The following TMEM167A variants were observed in gnomAD, a reference collection of about 807,000 sequenced individuals.
TMEM167A encodes protein kish-A.
A neutral mutation model predicts 11.6 loss-of-function variants in TMEM167A; 8 were observed. That is an observed-to-expected ratio of 0.69 (90% confidence interval 0.40 to 1.24). The LOEUF (loss-of-function observed/expected upper bound fraction) is 1.24, where lower values mean the gene tolerates loss of function less well. Among genes scored for constraint, TMEM167A ranks in the 50% most tolerant of loss-of-function variants. The pLI is 0.01. For missense variants in TMEM167A, 62 were observed against 87.0 expected (o/e 0.71, Z 1.14); for synonymous variants, 22 against 28.0 (o/e 0.79, Z 0.67).
At chr5:83,074,235 T>G (rs1032214142) in intron 1 of TMEM167A, among the ~76,000 whole-genome samples, 1 of 152,234 alleles carries the variant, frequency 6.6e-6, no homozygotes. Context: ...TTGAACTTCA[T>G]GCCTTTTGTT....
chr5:83,071,471 C>T (rs1212646927), intron 1 of TMEM167A: 2 of 152,100 alleles, frequency 1.3e-5, no homozygotes, highest in Non-Finnish European at 2.9e-5. Flanking sequence ...AAAAGTGGGT[C>T]AGCATTTATC....
chr5:83,056,875 T>C lies in TMEM167A; in HGVS notation c.*209A>G. ...TAATATTGTAGTGACAGTACTGAGG[T>C]TGATTGTTACAGACTATTAAATGGT... On this transcript the variant is annotated 3_prime_UTR_variant, in exon 4 of 4. Transcript: ENST00000502346. The C allele has an allele frequency of 1.7e-6, 1 of 595,494 alleles. No individual in the cohort carries two copies. Among genetic ancestry groups the C allele is most frequent in the East Asian group, 2.9e-5 (1 of 34,800 alleles). 36.9% of individuals were successfully genotyped at this position (595,494 alleles called of 1,614,324 possible).
chr5:83,068,259 A>C lies in TMEM167A; in HGVS notation c.4-3142T>G, dbSNP rs559264486. 5.3e-5 allele frequency among the ~76,000 whole-genome samples: 8 copies of C among 152,302 alleles called. No individual in the cohort carries two copies. The South Asian group carries it at 1.7e-3, about 32-fold the overall frequency. ...AAATGAGGCAGTGGGGATTAAAAAA[A>C]AGGCACATGGTATGATTCCTTCCCT... On this transcript the variant is annotated intron_variant, in intron 1 of 3. Transcript: ENST00000502346.
rs1164485634 is a variant in TMEM167A at position 83,055,355 on chromosome 5, C to G, written c.*1729G>C. 3 of 151,916 alleles carry G rather than the reference C, an allele frequency of 2.0e-5. No individual in the cohort carries two copies. The highest frequency in any genetic ancestry group is 4.4e-5 in the Non-Finnish European group (3 of 67,938). 9.4% of individuals were successfully genotyped at this position (151,916 alleles called of 1,614,324 possible). On this transcript the variant is annotated 3_prime_UTR_variant, in exon 4 of 4. Coordinates refer to ENST00000502346, the MANE Select transcript of TMEM167A (RefSeq NM_174909.5). ...TCCAGTTGGCAGCAGAGCTGGACAA[C>G]AGATGGCCACCCAGAAATTAGAGCC...
intron 1 of TMEM167A, among the ~76,000 whole-genome samples, chr5:83,077,040 A>G (rs1744687865): frequency 6.6e-6 from 1 of 152,252 alleles, no homozygotes; most frequent in African/African-American, 2.4e-5. Flanking sequence ...ATGACCACAC[A>G]TAATCTACGT....
In TMEM167A at chr5:83,055,638, A is replaced by G. The variant is rs911071709; in HGVS notation, c.*1446T>C. On this transcript the variant is annotated 3_prime_UTR_variant, in exon 4 of 4. Coordinates refer to ENST00000502346, the MANE Select transcript of TMEM167A (RefSeq NM_174909.5). ...AATACAGAAAATCAAACCAAAACCA[A>G]AAAACACCCCCAAACAAAAAACCAC... 3.3e-5 allele frequency: 5 copies of G among 151,950 alleles called. No homozygotes were observed. The highest frequency in any genetic ancestry group is 1.2e-4 in the African/African-American group (5 of 41,378). 9.4% of individuals were successfully genotyped at this position (151,950 alleles called of 1,614,324 possible). A position where few individuals can be genotyped will look rare whatever the true frequency, so the allele number is the denominator to read the frequency against.
intron 1 of TMEM167A, among the ~76,000 whole-genome samples, chr5:83,065,933 G>A (rs576463664): frequency 1.3e-5 from 2 of 152,142 alleles, no homozygotes; most frequent in South Asian, 4.1e-4. Flanking sequence ...CCTTTTTAAG[G>A]AAGTTTCCTT....
At chr5:83,068,273 G>A (rs980695029) in intron 1 of TMEM167A, among the ~76,000 whole-genome samples, 1 of 152,096 alleles carries the variant, frequency 6.6e-6, no homozygotes, top group Non-Finnish European at 1.5e-5. Context: ...CACATGGTAT[G>A]ATTCCTTCCC....
At chr5:83,067,732 C>T (rs749632556) in intron 1 of TMEM167A, among the ~76,000 whole-genome samples, 3 of 151,772 alleles carry the variant, frequency 2.0e-5, no homozygotes, top group Non-Finnish European at 4.4e-5. Context: ...AGGCTGGACT[C>T]AAACTCTTGA....
intron 1 of TMEM167A, among the ~76,000 whole-genome samples, chr5:83,076,394 T>C (rs1008950662): frequency 1.2e-4 from 19 of 152,332 alleles, no homozygotes; most frequent in Admixed American, 4.6e-4. Flanking sequence ...AGTGAGATAA[T>C]AAAAAGAGTT....
chr5:83,062,897 T>C (rs1028261763), intron 2 of TMEM167A, among the ~76,000 whole-genome samples: 2 of 151,700 alleles, frequency 1.3e-5, no homozygotes, highest in African/African-American at 4.8e-5. Flanking sequence ...AGTGAATCAT[T>C]ACATCTGAAT....
chr5:83,064,372 C>T (rs773982287), intron 2 of TMEM167A: 1 of 517,386 alleles, frequency 1.9e-6, no homozygotes, highest in South Asian at 1.4e-5. Flanking sequence ...TTCGTGATAG[C>T]ATAGGGAAAG....
intron 1 of TMEM167A, among the ~76,000 whole-genome samples, chr5:83,075,162 G>A (rs1744623007): frequency 6.6e-6 from 1 of 151,900 alleles, no homozygotes; most frequent in African/African-American, 2.4e-5. Context: ...ACACCTTATT[G>A]CTGTTTTCTG....
intron 1 of TMEM167A, among the ~76,000 whole-genome samples, chr5:83,075,244 G>T (rs1168306484): frequency 1.3e-5 from 2 of 152,170 alleles, no homozygotes; most frequent in African/African-American, 2.4e-5. Context: ...GATACCTAAA[G>T]AGAGTAGAAG....
At chr5:83,071,397 G>C (rs1744557004) in intron 1 of TMEM167A, 1 of 151,942 alleles carries the variant, frequency 6.6e-6, no homozygotes, top group African/African-American at 2.4e-5. Flanking sequence ...CCCTTTTTGG[G>C]GGTGGAAGGG....
At chr5:83,077,238 G>C in intron 1 of TMEM167A, 83 bp downstream of exon 1, 1 of 1,606,046 alleles carries the variant, frequency 6.2e-7, no homozygotes, top group Non-Finnish European at 8.5e-7. Flanking sequence ...CACACCCCGG[G>C]CTGCCGCACA....
At chr5:83,068,438 T>C (rs761204715) in intron 1 of TMEM167A, among the ~76,000 whole-genome samples, 3 of 152,184 alleles carry the variant, frequency 2.0e-5, no homozygotes, top group Non-Finnish European at 2.9e-5. Flanking sequence ...ACAGCAGTTA[T>C]AATCAAGTAA....
intron 3 of TMEM167A, among the ~76,000 whole-genome samples, chr5:83,061,501 C>T (rs889525766): frequency 1.6e-4 from 24 of 152,250 alleles, no homozygotes; most frequent in African/African-American, 2.9e-4. Flanking sequence ...CTTCGCCTCT[C>T]GGGTTCAAGA....
At chr5:83,058,492 A>G (rs1744363591) in intron 3 of TMEM167A, among the ~76,000 whole-genome samples, 1 of 152,072 alleles carries the variant, frequency 6.6e-6, no homozygotes, top group African/African-American at 2.4e-5. Flanking sequence ...TTGGGTCACA[A>G]TCTGTAAACA....
Sources: allele counts gnomAD v4.1 joint callset (sites outside exome capture counted in the v4.1 genomes callset), GRCh38; gene constraint gnomAD v4.1.1; transcripts MANE v1.5; gene names NCBI Gene and HGNC (gene_info 2026-07-23, HGNC 2026-07-21).